PSD3: variants seen among roughly 807,000 people sequenced by gnomAD.
PSD3 encodes the protein pleckstrin and Sec7 domain containing 3.
Under a neutral mutation model 105.5 loss-of-function variants are expected in PSD3, and 49 were observed. The observed-to-expected ratio is 0.46, with a 90% CI of 0.37 to 0.59. The LOEUF is 0.59. Ranked by LOEUF, PSD3 falls within the 20% of genes least tolerant of loss-of-function variation. The pLI, the probability that PSD3 is intolerant of heterozygous loss-of-function variation, is 0.00. For synonymous variants in PSD3, 557 were observed against 457.8 expected, an observed-to-expected ratio of 1.22 and a Z score of -2.77; for missense variants, 1,561 against 1,263.8, an observed-to-expected ratio of 1.24 and a Z score of -3.57.
chr8:18,918,075 AT>A (rs1820739487), intron 2 of PSD3, among the ~76,000 whole-genome samples: 1 of 152,106 alleles, frequency 6.6e-6, no homozygotes, highest in South Asian at 2.1e-4. Context: ...TCAATCCATT[AT>A]TTTTTTAAAA....
chr8:18,672,936 G>A (rs953347276), intron 9 of PSD3, among the ~76,000 whole-genome samples: 9 of 151,856 alleles, frequency 5.9e-5, no homozygotes, highest in Non-Finnish European at 1.2e-4. Context: ...AGTCTCGTAT[G>A]TACCTATATA....
chr8:19,066,000 T>C (rs1352966016), intron 1 of PSD3, among the ~76,000 whole-genome samples: 3 of 152,240 alleles, frequency 2.0e-5, no homozygotes, highest in African/African-American at 7.2e-5. Context: ...AAGAGTTCTA[T>C]GCTGGGAAAT....
intron 1 of PSD3, among the ~76,000 whole-genome samples, chr8:18,949,388 GA>G (rs1823100512): frequency 6.8e-6 from 1 of 147,798 alleles, no homozygotes; most frequent in Non-Finnish European, 1.5e-5. Context: ...CATGCATGCA[GA>G]AAAAAAATAA....
chr8:18,710,700 G>C (rs918714548), intron 9 of PSD3, among the ~76,000 whole-genome samples: 6 of 150,496 alleles, frequency 4.0e-5, no homozygotes, highest in African/African-American at 1.5e-4. Flanking sequence ...TTTTTTTTTT[G>C]AGATGGAGTC....
intron 1 of PSD3, among the ~76,000 whole-genome samples, chr8:19,051,079 A>C (rs1395590631): frequency 6.6e-6 from 1 of 152,108 alleles, no homozygotes; most frequent in Non-Finnish European, 1.5e-5. Flanking sequence ...AAACCTCTCC[A>C]CACTGCAGCT....
chr8:18,705,534 C>CAAAAAAAAAAAAAAAAA (rs34331384), intron 9 of PSD3, among the ~76,000 whole-genome samples: 1 of 88,446 alleles, frequency 1.1e-5, no homozygotes, highest in Non-Finnish European at 2.1e-5. Flanking sequence ...CTGTCTCAAG[C>CAAAAAAAAAAAAAAAAA]AAAAAAAAAA....
chr8:18,759,078 TCA>T (rs199628183), intron 9 of PSD3, among the ~76,000 whole-genome samples: 2 of 148,548 alleles, frequency 1.3e-5, no homozygotes, highest in Admixed American at 6.8e-5. Context: ...AACCCATTCT[TCA>T]CACACACACA....
chr8:18,708,334 C>T (rs17127078), intron 9 of PSD3, among the ~76,000 whole-genome samples: 21,954 of 152,124 alleles, frequency 0.14, 3,384 homozygotes, highest in African/African-American at 0.38. Flanking sequence ...TGGTAAAGCA[C>T]CTAGCTCAAT....
At chr8:18,746,439 G>C (rs548251621) in intron 9 of PSD3, among the ~76,000 whole-genome samples, 1 of 152,172 alleles carries the variant, frequency 6.6e-6, no homozygotes, top group East Asian at 1.9e-4. Context: ...CTAAGAGTTC[G>C]GAAACACCAA....
chr8:18,774,526 T>C, intron 8 of PSD3: 1 of 247,598 alleles, frequency 4.0e-6, no homozygotes. Flanking sequence ...TCCTCCAGTT[T>C]GAATTTTGAC....
At chr8:18,818,839 T>C (rs1812445168) in intron 4 of PSD3, among the ~76,000 whole-genome samples, 2 of 152,142 alleles carry the variant, frequency 1.3e-5, no homozygotes, top group East Asian at 3.9e-4. Flanking sequence ...TCCTAACAGA[T>C]TGTTAGAGTA....
intron 9 of PSD3, among the ~76,000 whole-genome samples, chr8:18,721,536 C>T (rs1285402715): frequency 6.6e-6 from 1 of 152,148 alleles, no homozygotes; most frequent in Non-Finnish European, 1.5e-5. Flanking sequence ...AATGCAATGT[C>T]TCATTTTATA....
At chr8:19,027,682 T>C (rs756021092) in intron 1 of PSD3, among the ~76,000 whole-genome samples, 7 of 152,184 alleles carry the variant, frequency 4.6e-5, no homozygotes, top group Non-Finnish European at 7.4e-5. Context: ...AATTCTGTAT[T>C]AATAGATTCC....
intron 15 of PSD3, among the ~76,000 whole-genome samples, chr8:18,537,861 G>C (rs143819187): frequency 0.013 from 1,946 of 152,256 alleles, 50 homozygotes; most frequent in African/African-American, 0.045. Flanking sequence ...ATTTTTAGTA[G>C]AGATGGGGTT....
At chr8:18,982,619 C>T (rs1311525279) in intron 1 of PSD3, among the ~76,000 whole-genome samples, 5 of 152,194 alleles carry the variant, frequency 3.3e-5, no homozygotes, top group Non-Finnish European at 7.3e-5. Flanking sequence ...GGCATGAAAA[C>T]AACATACATC....
At chr8:18,862,417 G>C (rs1816520247) in intron 4 of PSD3, among the ~76,000 whole-genome samples, 1 of 151,746 alleles carries the variant, frequency 6.6e-6, no homozygotes. Flanking sequence ...CACTACTTTG[G>C]AAAGAAGCCA....
intron 9 of PSD3, among the ~76,000 whole-genome samples, chr8:18,676,027 A>G (rs1428159374): frequency 1.3e-5 from 2 of 152,218 alleles, no homozygotes; most frequent in Non-Finnish European, 2.9e-5. Flanking sequence ...TCAGGTTATC[A>G]TGATGCTACG....
chr8:19,070,369 C>G (rs1172927994), intron 1 of PSD3, among the ~76,000 whole-genome samples: 1 of 133,564 alleles, frequency 7.5e-6, no homozygotes, highest in Non-Finnish European at 1.6e-5. Context: ...ATGTCATGTG[C>G]AAAAAAAAAA....
At chr8:18,681,932 G>A (rs1800411294) in intron 9 of PSD3, among the ~76,000 whole-genome samples, 1 of 151,522 alleles carries the variant, frequency 6.6e-6, no homozygotes, top group African/African-American at 2.4e-5. Context: ...AAGGTATCAT[G>A]TGATGGCCTA....
Sources: gnomAD v4.1 joint callset for allele counts (sites outside exome capture counted in the v4.1 genomes callset) on GRCh38, gnomAD v4.1.1 for gene constraint, MANE v1.5 for transcripts, NCBI Gene and HGNC (gene_info 2026-07-23, HGNC 2026-07-21) for gene names.